CSNK1G1: variants seen among roughly 807,000 people sequenced by gnomAD.
The protein encoded by CSNK1G1 is casein kinase I isoform gamma-1.
A neutral mutation model predicts 59.6 loss-of-function variants in CSNK1G1; 22 were observed. The ratio of observed to expected loss-of-function variants is 0.37; its 90% CI spans 0.26 to 0.53. The LOEUF (loss-of-function observed/expected upper bound fraction) is 0.53. CSNK1G1 is among the 20% of genes least tolerant of loss of function. The pLI, the probability that CSNK1G1 is intolerant of heterozygous loss-of-function variation, is 0.89. For synonymous variants in CSNK1G1, 179 were observed against 177.1 expected (o/e 1.01, Z -0.08); for missense variants, 384 against 519.5 (o/e 0.74, Z 2.54).
chr15:64,300,875 C>A (rs887730329), intron 1 of CSNK1G1, among the ~76,000 whole-genome samples, 152 bp from the exon 2 acceptor site: 1 of 152,150 alleles, frequency 6.6e-6, no homozygotes, highest in Non-Finnish European at 1.5e-5. Context: ...AATAGTTTAA[C>A]CATCTGGATT....
intron 3 of CSNK1G1, among the ~76,000 whole-genome samples, chr15:64,258,617 TTC>T (rs1032602131): frequency 2.6e-5 from 4 of 152,144 alleles, no homozygotes; most frequent in African/African-American, 9.7e-5. Flanking sequence ...AGATAAAGAA[TTC>T]TGTCTTTTAA....
chr15:64,257,962 C>CT (rs1892478058), intron 3 of CSNK1G1, among the ~76,000 whole-genome samples: 1 of 152,184 alleles, frequency 6.6e-6, no homozygotes, highest in Non-Finnish European at 1.5e-5. Context: ...AAGGTACCTG[C>CT]TGCTCTAAGC....
At chr15:64,310,197 G>A (rs991948129) in intron 1 of CSNK1G1, among the ~76,000 whole-genome samples, 8 of 152,116 alleles carry the variant, frequency 5.3e-5, no homozygotes, top group Non-Finnish European at 1.0e-4. Context: ...TCAATAGTCA[G>A]CTATTTCATT....
intron 5 of CSNK1G1, among the ~76,000 whole-genome samples, chr15:64,215,573 G>C (rs1435555920): frequency 6.6e-6 from 1 of 152,198 alleles, no homozygotes; most frequent in East Asian, 1.9e-4. Flanking sequence ...GGGCTCAAAA[G>C]TCAAAGTCAA....
chr15:64,195,504 G>C (rs1473888738), intron 10 of CSNK1G1, among the ~76,000 whole-genome samples: 1 of 152,224 alleles, frequency 6.6e-6, no homozygotes, highest in Non-Finnish European at 1.5e-5. Flanking sequence ...GAGTGCTGCT[G>C]CATGCACATA....
chr15:64,322,525 T>C (rs1455521071), intron 1 of CSNK1G1, among the ~76,000 whole-genome samples: 1 of 151,952 alleles, frequency 6.6e-6, no homozygotes, highest in Non-Finnish European at 1.5e-5. Context: ...TTAATCTCAT[T>C]TAGTACAGGC....
intron 1 of CSNK1G1, among the ~76,000 whole-genome samples, chr15:64,322,939 TG>T (rs1280440031): frequency 6.6e-6 from 1 of 151,838 alleles, no homozygotes; most frequent in Non-Finnish European, 1.5e-5. Flanking sequence ...GTTTTTGGGT[TG>T]TTTTTTTTTT....
At chr15:64,311,229 A>G (rs1895979608) in intron 1 of CSNK1G1, among the ~76,000 whole-genome samples, 1 of 151,020 alleles carries the variant, frequency 6.6e-6, no homozygotes, top group African/African-American at 2.4e-5. Context: ...TATTTTTAGT[A>G]CAGACAGGGT....
chr15:64,301,831 G>A (rs1017048396), intron 1 of CSNK1G1, among the ~76,000 whole-genome samples: 5 of 152,136 alleles, frequency 3.3e-5, no homozygotes, highest in South Asian at 2.1e-4. Flanking sequence ...AGGTGGCAGT[G>A]AGCCGAGCTC....
chr15:64,264,504 A>G (rs574415409), intron 2 of CSNK1G1, among the ~76,000 whole-genome samples: 2 of 152,366 alleles, frequency 1.3e-5, no homozygotes, highest in South Asian at 4.1e-4. Context: ...GAGGAGGGGA[A>G]TAATACTTCT....
At chr15:64,297,964 G>C (rs1466153727) in intron 2 of CSNK1G1, among the ~76,000 whole-genome samples, 1 of 152,128 alleles carries the variant, frequency 6.6e-6, no homozygotes, top group Admixed American at 6.6e-5. Flanking sequence ...CTAGATACAA[G>C]GCCATAACAG....
intron 10 of CSNK1G1, among the ~76,000 whole-genome samples, chr15:64,199,991 T>C (rs903011996): frequency 5.9e-5 from 9 of 152,218 alleles, no homozygotes; most frequent in African/African-American, 2.2e-4. Flanking sequence ...ATGCCTGTAA[T>C]TGCAGCACTT....
chr15:64,293,790 G>A, intron 2 of CSNK1G1, among the ~76,000 whole-genome samples: 1 of 152,076 alleles, frequency 6.6e-6, no homozygotes, highest in East Asian at 1.9e-4. Flanking sequence ...CTGTGCATGT[G>A]AGGGATCTAG....
chr15:64,225,222 T>C (rs1440425974), intron 4 of CSNK1G1, among the ~76,000 whole-genome samples: 4 of 152,016 alleles, frequency 2.6e-5, no homozygotes, highest in Non-Finnish European at 5.9e-5. Flanking sequence ...TTAGCCAGGC[T>C]GGTCTCAAAC....
At chr15:64,306,511 T>C (rs773646331) in intron 1 of CSNK1G1, among the ~76,000 whole-genome samples, 12 of 152,116 alleles carry the variant, frequency 7.9e-5, no homozygotes, top group Non-Finnish European at 1.3e-4. Flanking sequence ...TATGGAGCAA[T>C]AGGAACTCTC....
intron 4 of CSNK1G1, among the ~76,000 whole-genome samples, chr15:64,248,995 C>G (rs886796277): frequency 6.6e-6 from 1 of 151,996 alleles, no homozygotes; most frequent in Non-Finnish European, 1.5e-5. Flanking sequence ...TGGTGGCGGG[C>G]GCCTGTAGGC....
At chr15:64,277,913 A>ATG (rs1215969661) in intron 2 of CSNK1G1, among the ~76,000 whole-genome samples, 1 of 143,266 alleles carries the variant, frequency 7.0e-6, no homozygotes, top group African/African-American at 2.6e-5. Flanking sequence ...GATATATTTA[A>ATG]TAATAATATT....
intron 10 of CSNK1G1, among the ~76,000 whole-genome samples, chr15:64,195,958 G>A (rs184812745): frequency 4.9e-4 from 74 of 152,324 alleles, no homozygotes; most frequent in Admixed American, 3.5e-3. Flanking sequence ...GGCCAGGCAT[G>A]GTAGCTCACA....
At position 64,188,612 on chromosome 15, in the gene CSNK1G1, ACAAC is replaced by A; in HGVS notation, c.1108-8162_1108-8159del. On this transcript the variant is annotated intron_variant, in intron 10 of 11. Transcript: ENST00000303052. The surrounding 1 kb of genome is among the most constrained non-coding windows in gnomAD (Gnocchi z 4.2). ...TCTTTCGGTTTTGGATTTTAAACTA[ACAAC>A]CACTGGAAAGCAGTGAGGAAAAGTA... 1.5e-6 allele frequency: 1 copy of A among 685,336 alleles called. No homozygotes were observed. The highest frequency in any genetic ancestry group is 2.5e-6 in the Non-Finnish European group (1 of 403,276). The allele number at this position is 685,336 out of a possible 1,614,324, so 42.5% of individuals were successfully genotyped here.
Sources: gnomAD v4.1 joint callset for allele counts (sites outside exome capture counted in the v4.1 genomes callset) on GRCh38, gnomAD v4.1.1 for gene constraint, Gnocchi (gnomAD v3.1) non-coding constraint, MANE v1.5 for transcripts, NCBI Gene and HGNC (gene_info 2026-07-23, HGNC 2026-07-21) for gene names.